DPP10: variants seen among roughly 807,000 people sequenced by gnomAD.
DPP10 encodes the protein dipeptidyl peptidase like 10.
Under a neutral mutation model 120.9 loss-of-function variants are expected in DPP10, and 33 were observed. The observed-to-expected ratio is 0.27, with a 90% CI of 0.21 to 0.37. The LOEUF is 0.37. Ranked by LOEUF, DPP10 falls within the 10% of genes least tolerant of loss-of-function variation. The pLI is 1.00. For synonymous variants in DPP10, 337 were observed against 326.1 expected (o/e 1.03, Z -0.36); for missense variants, 816 against 942.8 (o/e 0.87, Z 1.76).
At chr2:114,945,684 C>G (rs749860617) in intron 1 of DPP10, among the ~76,000 whole-genome samples, 1 of 152,020 alleles carries the variant, frequency 6.6e-6, no homozygotes, top group Non-Finnish European at 1.5e-5. Flanking sequence ...GGCATGGCGG[C>G]GGACACCTGT....
At chr2:115,698,752 A>G (rs1333370740) in intron 7 of DPP10, among the ~76,000 whole-genome samples, 2 of 152,142 alleles carry the variant, frequency 1.3e-5, no homozygotes, top group Admixed American at 6.6e-5. Flanking sequence ...CACTGTAAAT[A>G]AATATATTTC....
intron 5 of DPP10, among the ~76,000 whole-genome samples, chr2:115,567,867 T>C (rs572500065): frequency 6.6e-6 from 1 of 152,356 alleles, no homozygotes; most frequent in East Asian, 1.9e-4. Context: ...TGTCATACTT[T>C]TAAATTTTTG....
chr2:114,866,608 C>T (rs1054968981), intron 1 of DPP10, among the ~76,000 whole-genome samples: 7 of 152,262 alleles, frequency 4.6e-5, no homozygotes, highest in African/African-American at 1.4e-4. Flanking sequence ...ATAGTCAAGG[C>T]AGCTGAGGTT....
At chr2:115,493,750 C>A (rs2076248316) in intron 3 of DPP10, among the ~76,000 whole-genome samples, 1 of 151,980 alleles carries the variant, frequency 6.6e-6, no homozygotes, top group Admixed American at 6.6e-5. Context: ...TTGGTTATTG[C>A]AGGTCAGTGA....
At chr2:115,400,561 G>A (rs1208069644) in intron 3 of DPP10, among the ~76,000 whole-genome samples, 1 of 152,130 alleles carries the variant, frequency 6.6e-6, no homozygotes, top group East Asian at 1.9e-4. Context: ...TTGAGAGACT[G>A]TAAGTCCAGA....
intron 3 of DPP10, among the ~76,000 whole-genome samples, chr2:115,458,638 A>C (rs1050565228): frequency 6.6e-6 from 1 of 152,168 alleles, no homozygotes; most frequent in Non-Finnish European, 1.5e-5. Context: ...TTGTGGATAT[A>C]TATACACACA....
rs569788865 is a variant in DPP10, at chr2:115,504,086, T to C, written c.366+4482T>C. Reference sequence around the variant, plus strand: ...TCATTAGTTTCAGGTACTTTTCTTCTTTTGAATAACCCTGCAAAGAAGACC... The same window carrying C: ...TCATTAGTTTCAGGTACTTTTCTTCCTTTGAATAACCCTGCAAAGAAGACC... On this transcript the variant is annotated intron_variant, in intron 4 of 25. Coordinates refer to ENST00000410059, the MANE Select transcript of DPP10 (RefSeq NM_020868.6). 7.8e-4 allele frequency among the ~76,000 whole-genome samples: 118 copies of C among 152,216 alleles called. No individual in the cohort carries two copies. The Middle Eastern group carries it at 0.01, about 13-fold the overall frequency.
At chr2:114,597,211 T>A (rs1691985990) in intron 1 of DPP10, among the ~76,000 whole-genome samples, 1 of 151,914 alleles carries the variant, frequency 6.6e-6, no homozygotes, top group South Asian at 2.1e-4. Context: ...GGTGAAATAA[T>A]GCAGACAAAA....
chr2:115,635,409 A>G (rs1453690949), intron 5 of DPP10, among the ~76,000 whole-genome samples: 4 of 152,096 alleles, frequency 2.6e-5, no homozygotes, highest in African/African-American at 9.7e-5. Flanking sequence ...GAGTAGCACC[A>G]TCACTCACCG....
intron 3 of DPP10, among the ~76,000 whole-genome samples, chr2:115,399,011 C>T (rs2067877002): frequency 6.6e-6 from 1 of 152,098 alleles, no homozygotes; most frequent in African/African-American, 2.4e-5. Context: ...CCCTTTAGCA[C>T]TTAATCATGT....
intron 5 of DPP10, among the ~76,000 whole-genome samples, chr2:115,603,573 T>TG (rs1329969670): frequency 2.0e-4 from 13 of 64,578 alleles, no homozygotes; most frequent in African/African-American, 6.0e-4. Context: ...TTTTTTTGTT[T>TG]TTTTTTTTTT....
intron 1 of DPP10, among the ~76,000 whole-genome samples, chr2:114,516,637 CCT>C (rs1287049770): frequency 6.6e-6 from 1 of 152,126 alleles, no homozygotes; most frequent in Admixed American, 6.5e-5. Context: ...GGAGAAAATG[CCT>C]CTCTTTTATT....
intron 5 of DPP10, among the ~76,000 whole-genome samples, chr2:115,669,892 A>G (rs2089735080): frequency 6.6e-6 from 1 of 152,112 alleles, no homozygotes; most frequent in East Asian, 1.9e-4. Flanking sequence ...AATATTAGAC[A>G]TTTTTAGGAG....
intron 3 of DPP10, among the ~76,000 whole-genome samples, chr2:115,489,374 G>T (rs535673320): frequency 6.6e-6 from 1 of 151,838 alleles, no homozygotes; most frequent in East Asian, 1.9e-4. Flanking sequence ...TGGCCAAGAG[G>T]ACCCCAGAAA....
At chr2:115,482,612 A>T (rs538414891) in intron 3 of DPP10, among the ~76,000 whole-genome samples, 86 of 152,104 alleles carry the variant, frequency 5.7e-4, no homozygotes, top group African/African-American at 2.0e-3. Context: ...CATTTCCTAT[A>T]GATTGAATTA....
At chr2:114,933,149 A>G (rs189319042) in intron 1 of DPP10, among the ~76,000 whole-genome samples, 30 of 152,332 alleles carry the variant, frequency 2.0e-4, no homozygotes, top group African/African-American at 6.5e-4. Flanking sequence ...GTGATAAAAT[A>G]AAATGGTGTT....
intron 5 of DPP10, among the ~76,000 whole-genome samples, chr2:115,679,773 G>A (rs1006347036): frequency 6.6e-6 from 1 of 152,110 alleles, no homozygotes; most frequent in Non-Finnish European, 1.5e-5. Context: ...TGTATCACTT[G>A]TACGTGGGAA....
At chr2:115,077,820 T>C (rs1707927324) in intron 1 of DPP10, among the ~76,000 whole-genome samples, 1 of 152,232 alleles carries the variant, frequency 6.6e-6, no homozygotes, top group Admixed American at 6.5e-5. Context: ...ATTTCAGGAC[T>C]TTCCTCCTTG....
chr2:115,129,032 T>C (rs936389866), intron 1 of DPP10, among the ~76,000 whole-genome samples: 1 of 152,210 alleles, frequency 6.6e-6, no homozygotes, highest in South Asian at 2.1e-4. Flanking sequence ...CAAAGGATAT[T>C]AGGTAACCTC....
Sources: allele counts gnomAD v4.1 joint callset (sites outside exome capture counted in the v4.1 genomes callset), GRCh38; gene constraint gnomAD v4.1.1; transcripts MANE v1.5; gene names NCBI Gene and HGNC (gene_info 2026-07-23, HGNC 2026-07-21).